The following GPC6 variants were observed in gnomAD, a reference collection of about 807,000 sequenced individuals.
The protein encoded by GPC6 is glypican-6.
Under a neutral mutation model 55.2 loss-of-function variants are expected in GPC6, and 14 were observed. The observed-to-expected ratio is 0.25, with a 90% confidence interval of 0.17 to 0.40. The LOEUF (loss-of-function observed/expected upper bound fraction) is 0.40. GPC6 is among the 10% of genes least tolerant of loss of function. GPC6 has a pLI of 1.00. For missense variants in GPC6, 641 were observed against 708.5 expected, an observed-to-expected ratio of 0.90 and a Z score of 1.08; for synonymous variants, 278 against 259.6, an observed-to-expected ratio of 1.07 and a Z score of -0.68.
At chr13:94,203,451 C>G (rs2138979067) in intron 4 of GPC6, among the ~76,000 whole-genome samples, 1 of 152,106 alleles carries the variant, frequency 6.6e-6, no homozygotes, top group East Asian at 1.9e-4. Flanking sequence ...CAAATTATAA[C>G]TTTCTGTTGT....
At chr13:94,270,912 G>A (rs1891975547) in intron 4 of GPC6, among the ~76,000 whole-genome samples, 1 of 148,762 alleles carries the variant, frequency 6.7e-6, no homozygotes, top group Non-Finnish European at 1.5e-5. Context: ...GTTCCCAGGG[G>A]CACTTGTTTG....
intron 3 of GPC6, among the ~76,000 whole-genome samples, chr13:93,886,243 T>A (rs1179186769): frequency 1.3e-5 from 2 of 152,078 alleles, no homozygotes; most frequent in Non-Finnish European, 2.9e-5. Context: ...GTGGTTGGAA[T>A]AATTGGAAGA....
chr13:93,412,107 C>T lies in GPC6; in HGVS notation c.161-133156C>T, dbSNP rs558840588. Among the ~76,000 whole-genome samples, 19 of 152,094 alleles carry T rather than the reference C, an allele frequency of 1.2e-4. No homozygotes were observed. The South Asian group carries it at 4.0e-3, about 32-fold the overall frequency. ...ATCTGCATCAACACCACTTTAATAC[C>T]GTGATAACATTCCTTATATGAGAGT... is the stretch of plus-strand genomic sequence containing the variant. On this transcript the variant is annotated intron_variant, in intron 1 of 8. Coordinates refer to ENST00000377047, the MANE Select transcript of GPC6 (RefSeq NM_005708.5).
At chr13:93,234,964 A>G (rs55921800) in intron 1 of GPC6, among the ~76,000 whole-genome samples, 44,602 of 152,008 alleles carry the variant, frequency 0.29, 6,762 homozygotes, top group Admixed American at 0.38. Context: ...ACATGTAATC[A>G]GCTACAATTC....
intron 1 of GPC6, among the ~76,000 whole-genome samples, chr13:93,301,363 A>G (rs1051677773): frequency 3.9e-5 from 6 of 152,216 alleles, no homozygotes; most frequent in African/African-American, 1.2e-4. Context: ...AAGAGAAAAC[A>G]ATATTTAGGA....
At chr13:94,352,578 T>G (rs1447080102) in intron 6 of GPC6, among the ~76,000 whole-genome samples, 1 of 151,952 alleles carries the variant, frequency 6.6e-6, no homozygotes, top group Admixed American at 6.5e-5. Flanking sequence ...TCCCCTCTGC[T>G]GGCTAGTCCA....
At chr13:93,827,186 C>A (rs973666379) in intron 2 of GPC6, among the ~76,000 whole-genome samples, 1 of 152,164 alleles carries the variant, frequency 6.6e-6, no homozygotes, top group African/African-American at 2.4e-5. Context: ...TGTCCTCTTC[C>A]ATTAAAAAGA....
rs1379521132 is a variant in GPC6, at chr13:94,348,468, C to G, written c.1153-33946C>G. On this transcript the variant is annotated intron_variant, in intron 6 of 8. Coordinates refer to ENST00000377047, the MANE Select transcript of GPC6 (RefSeq NM_005708.5). ...GAGATTTTGCCTTTCTGACAAACTC[C>G]CAGATAAGGCCAATGCTGCTAGTTT... Among the ~76,000 whole-genome samples the G allele has an allele frequency of 2.0e-5, 3 of 152,176 alleles. No homozygotes were observed. The South Asian group carries it at 6.2e-4, about 32-fold the overall frequency.
At chr13:93,229,428 A>T (rs1875933371) in intron 1 of GPC6, among the ~76,000 whole-genome samples, 1 of 152,194 alleles carries the variant, frequency 6.6e-6, no homozygotes, top group Admixed American at 6.5e-5. Context: ...ATAGTTAGGT[A>T]TTTTTAAATT....
intron 1 of GPC6, among the ~76,000 whole-genome samples, chr13:93,371,573 G>A (rs1352337131): frequency 1.3e-5 from 2 of 152,060 alleles, no homozygotes; most frequent in African/African-American, 4.8e-5. Context: ...GAGGTACTAG[G>A]AACTGAGGTA....
At chr13:94,115,933 T>A (rs553643189) in intron 4 of GPC6, among the ~76,000 whole-genome samples, 1 of 152,092 alleles carries the variant, frequency 6.6e-6, no homozygotes, top group Non-Finnish European at 1.5e-5. Flanking sequence ...TAGTTAATTT[T>A]ACGTATCAAG....
chr13:93,751,196 C>T (rs1884574626), intron 2 of GPC6, among the ~76,000 whole-genome samples: 1 of 149,908 alleles, frequency 6.7e-6, no homozygotes, highest in Non-Finnish European at 1.5e-5. Context: ...CAAAAAATGC[C>T]TAGAAGTAAG....
At chr13:94,384,120 TAG>T (rs1275826739) in intron 7 of GPC6, among the ~76,000 whole-genome samples, 1 of 152,220 alleles carries the variant, frequency 6.6e-6, no homozygotes, top group Non-Finnish European at 1.5e-5. Context: ...AGGAAGAGTT[TAG>T]CAAGGTGAAA....
intron 2 of GPC6, among the ~76,000 whole-genome samples, chr13:93,747,587 G>A (rs2138857544): frequency 6.6e-6 from 1 of 152,320 alleles, no homozygotes; most frequent in Admixed American, 6.5e-5. Context: ...GGCTGCGTAT[G>A]TGACTACCCA....
chr13:94,173,445 A>G (rs955698691), intron 4 of GPC6, among the ~76,000 whole-genome samples: 7 of 152,126 alleles, frequency 4.6e-5, no homozygotes, highest in African/African-American at 1.2e-4. Flanking sequence ...TGATTCAAGT[A>G]TCAGTTGGGT....
intron 1 of GPC6, among the ~76,000 whole-genome samples, chr13:93,364,711 A>G (rs968425800): frequency 6.7e-6 from 1 of 149,620 alleles, no homozygotes; most frequent in Non-Finnish European, 1.5e-5. Context: ...ACACACATAT[A>G]TATACACACA....
chr13:93,980,887 A>G (rs1364025073), intron 3 of GPC6, among the ~76,000 whole-genome samples: 2 of 152,092 alleles, frequency 1.3e-5, no homozygotes, highest in Admixed American at 1.3e-4. Flanking sequence ...TCACTTGCTT[A>G]CAGATTTCTC....
At chr13:94,275,077 A>G (rs1892161525) in intron 4 of GPC6, among the ~76,000 whole-genome samples, 1 of 152,180 alleles carries the variant, frequency 6.6e-6, no homozygotes, top group South Asian at 2.1e-4. Context: ...AAAATACAGA[A>G]AGATTTTTAA....
intron 3 of GPC6, among the ~76,000 whole-genome samples, chr13:93,908,406 G>A (rs1265687901): frequency 6.6e-6 from 1 of 152,160 alleles, no homozygotes; most frequent in African/African-American, 2.4e-5. Context: ...GAAATGACAG[G>A]TCATGTACTG....
Sources: allele counts gnomAD v4.1 joint callset (sites outside exome capture counted in the v4.1 genomes callset), GRCh38; gene constraint gnomAD v4.1.1; transcripts MANE v1.5; gene names NCBI Gene and HGNC (gene_info 2026-07-23, HGNC 2026-07-21).